SUDS3: variants seen among roughly 807,000 people sequenced by gnomAD.
SUDS3 encodes SIN3A corepressor complex component SDS3.
SUDS3 carries 23 observed loss-of-function variants against 53.5 expected under a neutral mutation model. That is an observed-to-expected ratio of 0.43 (90% CI 0.31 to 0.61). SUDS3 has a LOEUF of 0.61. Among genes scored for constraint, SUDS3 ranks in the 20% least tolerant of loss-of-function variants. SUDS3 has a pLI of 0.10. For missense variants in SUDS3, 291 were observed against 405.9 expected, an observed-to-expected ratio of 0.72 and a Z score of 2.43; for synonymous variants, 150 against 148.5, an observed-to-expected ratio of 1.01 and a Z score of -0.08.
At chr12:118,410,542 T>C (rs17441075) in intron 10 of SUDS3, among the ~76,000 whole-genome samples, 17,345 of 151,146 alleles carry the variant, frequency 0.11, 1,262 homozygotes, top group Middle Eastern at 0.19. Context: ...TCTTCTAACC[T>C]AAGGATGGAA....
At chr12:118,385,484 A>G (rs2046106918) in intron 3 of SUDS3, among the ~76,000 whole-genome samples, 1 of 152,220 alleles carries the variant, frequency 6.6e-6, no homozygotes. Context: ...ATGGTCAGGC[A>G]TTATAATCAG....
chr12:118,414,087 G>A (rs150058412), intron 11 of SUDS3, among the ~76,000 whole-genome samples: 4 of 152,266 alleles, frequency 2.6e-5, no homozygotes, highest in Admixed American at 1.3e-4. Flanking sequence ...TTCCATTTTC[G>A]TAATCACAGG....
intron 6 of SUDS3, 95 bp from the exon 7 acceptor site, chr12:118,400,564 T>G (rs1395958243): frequency 8.7e-7 from 1 of 1,150,376 alleles, no homozygotes. Flanking sequence ...CAGTTCTGAT[T>G]GGGTGGCTGG....
chr12:118,399,085 C>T (rs1229729020), intron 6 of SUDS3, among the ~76,000 whole-genome samples: 3 of 152,124 alleles, frequency 2.0e-5, no homozygotes, highest in Admixed American at 6.6e-5. Flanking sequence ...AAGTCTGGTG[C>T]CCTTGGGTAA....
rs556801021 is a variant in SUDS3, at chr12:118,394,017, G to T, written c.517+2735G>T. Among the ~76,000 whole-genome samples the T allele has an allele frequency of 2.6e-5, 4 of 152,240 alleles. No homozygotes were observed. In the East Asian group the frequency reaches 7.7e-4, roughly 29 times the overall value. On this transcript the variant is annotated intron_variant, in intron 6 of 11. Coordinates refer to ENST00000543473, the MANE Select transcript of SUDS3 (RefSeq NM_022491.3). The stretch of plus-strand genomic sequence containing the variant: ...ACCTTCCCCAGGGGTCGCTGATCCT[G>T]CTGGTTGATAGCTGATACCACAAGT...
At chr12:118,402,042 T>C (rs1379545423) in intron 9 of SUDS3, 38 bp downstream of exon 9, 22 of 1,612,638 alleles carry the variant, frequency 1.4e-5, no homozygotes, top group Non-Finnish European at 1.7e-5. Flanking sequence ...GCAACCTTTT[T>C]ATCATGTTGT....
At position 118,376,850 on chromosome 12, in the gene SUDS3, GC is replaced by G; in HGVS notation, c.142+20del. The G allele has an allele frequency of 6.7e-7, 1 of 1,481,826 alleles. No homozygotes were observed. The highest frequency in any genetic ancestry group is 8.9e-7 in the Non-Finnish European group (1 of 1,119,786). The allele number at this position is 1,481,826 out of a possible 1,614,324, so 91.8% of individuals were successfully genotyped here. ...CGGACGAAGGTGAGTCCTGCCGCTC[GC>G]CCGGCCGCCCGGAGCGGAGGTGGGA... On this transcript the variant is annotated intron_variant, in intron 1 of 11. Transcript: ENST00000543473.
rs866070904 is a variant in SUDS3, at chr12:118,389,143, T to C, written c.341-784T>C. Reference sequence around the variant, plus strand: ...CAGTCTGGGTGACAGAGCCAGACTCTGTCTCAAAAAAACCAGAACCCCCCA... The same window carrying C: ...CAGTCTGGGTGACAGAGCCAGACTCCGTCTCAAAAAAACCAGAACCCCCCA... On this transcript the variant is annotated intron_variant, in intron 4 of 11. Transcript: ENST00000543473. 1.1e-4 allele frequency among the ~76,000 whole-genome samples: 16 copies of C among 151,982 alleles called. 1 individual carries two copies. Among genetic ancestry groups the C allele is most frequent in the Middle Eastern group, 3.2e-3 (1 of 316 alleles).
intron 6 of SUDS3, among the ~76,000 whole-genome samples, chr12:118,396,974 TGCAGG>T (rs1172139935): frequency 6.6e-6 from 1 of 152,180 alleles, no homozygotes; most frequent in Non-Finnish European, 1.5e-5. Context: ...AAAGTCATAT[TGCAGG>T]GTGGTTTGGA....
In SUDS3 at chr12:118,385,223, G is replaced by A. The variant is rs543066609; in HGVS notation, c.269-891G>A. 5.9e-5 allele frequency among the ~76,000 whole-genome samples: 9 copies of A among 151,976 alleles called. No homozygotes were observed. In the East Asian group the frequency reaches 7.8e-4, roughly 13 times the overall value. On this transcript the variant is annotated intron_variant, in intron 3 of 11. Coordinates refer to ENST00000543473, the MANE Select transcript of SUDS3 (RefSeq NM_022491.3). ...TCCTGGGTTCAAGCGATTCTCCTGC[G>A]TCAGCCTCCCGAGTAGCTGGGATTA...
chr12:118,413,511 C>T lies in SUDS3; in HGVS notation c.889-824C>T, dbSNP rs778406263. ...GTAGTTATTTCATAGGGTTGTCTTG[C>T]GGGTGAAAAAGCTCAGCCTGATCAG... On this transcript the variant is annotated intron_variant, in intron 11 of 11. Transcript: ENST00000543473. Among the ~76,000 whole-genome samples the T allele has an allele frequency of 5.3e-5, 8 of 152,146 alleles. No individual in the cohort carries two copies. The East Asian group carries it at 9.6e-4, about 18-fold the overall frequency.
rs533866273 is a variant in SUDS3 at position 118,414,086 on chromosome 12, C to T, written c.889-249C>T. On this transcript the variant is annotated intron_variant, in intron 11 of 11. Transcript: ENST00000543473. The stretch of plus-strand genomic sequence containing the variant: ...CCAAGATTGCTGTGCTTTCCATTTT[C>T]GTAATCACAGGTGTGAGAGAGATGG... Among the ~76,000 whole-genome samples the T allele has an allele frequency of 3.9e-5, 6 of 152,274 alleles. No homozygotes were observed. In the East Asian group the frequency reaches 5.8e-4, roughly 15 times the overall value.
At chr12:118,382,009 G>T (rs950824984) in intron 2 of SUDS3, among the ~76,000 whole-genome samples, 1 of 151,812 alleles carries the variant, frequency 6.6e-6, no homozygotes. Flanking sequence ...GGGTAATTCA[G>T]CTAGGTCTAA....
intron 2 of SUDS3, among the ~76,000 whole-genome samples, chr12:118,380,554 A>G (rs3741444): frequency 6.6e-6 from 1 of 152,292 alleles, no homozygotes; most frequent in Admixed American, 6.5e-5. Flanking sequence ...TCCAAAGACC[A>G]TGTATGTTTA....
intron 1 of SUDS3, among the ~76,000 whole-genome samples, chr12:118,379,960 C>T (rs1051013143): frequency 1.4e-4 from 22 of 152,142 alleles, no homozygotes; most frequent in Non-Finnish European, 2.9e-5. Context: ...TTGCATTGGC[C>T]TTTTGTGTCC....
intron 1 of SUDS3, among the ~76,000 whole-genome samples, chr12:118,377,690 A>C (rs920658806): frequency 6.6e-6 from 1 of 152,130 alleles, no homozygotes; most frequent in Non-Finnish European, 1.5e-5. Context: ...GGAGGGATGG[A>C]GGAGGAGGAA....
chr12:118,386,332 T>G, intron 4 of SUDS3, 147 bp downstream of exon 4: 1 of 698,342 alleles, frequency 1.4e-6, no homozygotes, highest in Non-Finnish European at 2.4e-6. Flanking sequence ...ACTTCCAAGC[T>G]GCAGTTATGG....
intron 6 of SUDS3, among the ~76,000 whole-genome samples, chr12:118,396,299 A>C (rs2046214838): frequency 2.0e-5 from 3 of 152,210 alleles, no homozygotes; most frequent in Non-Finnish European, 4.4e-5. Context: ...TCTGCCACCC[A>C]GGTTGGAGTG....
chr12:118,415,406 T>A lies in SUDS3; in HGVS notation c.*973T>A, dbSNP rs1593790688. The A allele has an allele frequency of 6.6e-6, 1 of 152,184 alleles. No homozygotes were observed. The highest frequency in any genetic ancestry group is 2.4e-5 in the African/African-American group (1 of 41,448). 9.4% of individuals were successfully genotyped at this position (152,184 alleles called of 1,614,324 possible). A position where few individuals can be genotyped will look rare whatever the true frequency, so the allele number is the denominator to read the frequency against. On this transcript the variant is annotated 3_prime_UTR_variant, in exon 12 of 12. Coordinates refer to ENST00000543473, the MANE Select transcript of SUDS3 (RefSeq NM_022491.3). ...TATTGCACATTGGCCATTCCAAACCTGTGGAGAACTTTGTTGTCAGGCCCT... is the reference window on the plus strand; with the variant it reads ...TATTGCACATTGGCCATTCCAAACCAGTGGAGAACTTTGTTGTCAGGCCCT...
Sources: allele counts gnomAD v4.1 joint callset (sites outside exome capture counted in the v4.1 genomes callset), GRCh38; gene constraint gnomAD v4.1.1; transcripts MANE v1.5; gene names NCBI Gene and HGNC (gene_info 2026-07-23, HGNC 2026-07-21).